The following IFT56 variants were observed in gnomAD, a reference collection of about 807,000 sequenced individuals.
The protein encoded by IFT56 is intraflagellar transport protein 56.
the IFT56 span, chr7:139,166,964 G>A: frequency 9.5e-7 from 1 of 1,050,452 alleles, no homozygotes. Context: ...AAATTTAGTT[G>A]GAAGTCATAT....
the IFT56 span, among the ~76,000 whole-genome samples, chr7:139,179,080 G>T: frequency 6.6e-6 from 1 of 152,078 alleles, no homozygotes; most frequent in East Asian, 1.9e-4. Flanking sequence ...TATTTTTGTG[G>T]TCATAGAATG....
At chr7:139,135,002 C>T in the IFT56 span, among the ~76,000 whole-genome samples, 12 of 152,236 alleles carry the variant, frequency 7.9e-5, no homozygotes, top group African/African-American at 2.9e-4. Flanking sequence ...TAAACTTGGC[C>T]GGGCGCGGTG....
chr7:139,171,588 A>G, the IFT56 span, among the ~76,000 whole-genome samples: 1,006 of 152,306 alleles, frequency 6.6e-3, 14 homozygotes, highest in African/African-American at 0.024. Flanking sequence ...ACCTGTAGAG[A>G]AAGGACAGTC....
At chr7:139,176,325 A>G in the IFT56 span, among the ~76,000 whole-genome samples, 1 of 152,160 alleles carries the variant, frequency 6.6e-6, no homozygotes, top group Non-Finnish European at 1.5e-5. Flanking sequence ...ATCCATATGC[A>G]GTATGGATAT....
At chr7:139,168,332 C>G in the IFT56 span, 2 of 1,579,826 alleles carry the variant, frequency 1.3e-6, no homozygotes, top group Middle Eastern at 1.7e-4. Flanking sequence ...CAGTGTTATT[C>G]CATGTTTCTA....
At chr7:139,148,040 AT>A in the IFT56 span, among the ~76,000 whole-genome samples, 8 of 152,292 alleles carry the variant, frequency 5.3e-5, no homozygotes, top group South Asian at 4.1e-4. Flanking sequence ...AAACACCCAA[AT>A]ATTGCAATGC....
the IFT56 span, among the ~76,000 whole-genome samples, chr7:139,145,701 C>A: frequency 6.6e-6 from 1 of 151,766 alleles, no homozygotes; most frequent in African/African-American, 2.4e-5. Flanking sequence ...TAGGCGTGAG[C>A]CACTGCCCCT....
At chr7:139,136,584 G>A in the IFT56 span, among the ~76,000 whole-genome samples, 2 of 152,082 alleles carry the variant, frequency 1.3e-5, no homozygotes, top group East Asian at 1.9e-4. Context: ...CCAAGTAGCT[G>A]AGACTACAGG....
At chr7:139,169,234 A>C in the IFT56 span, 1 of 1,448,858 alleles carries the variant, frequency 6.9e-7, no homozygotes, top group Non-Finnish European at 9.6e-7. Context: ...ATATAGTATA[A>C]TAAAATAAAA....
At chr7:139,162,749 A>G in the IFT56 span, among the ~76,000 whole-genome samples, 5,404 of 151,970 alleles carry the variant, frequency 0.036, 143 homozygotes, top group South Asian at 0.12. Context: ...TCACAAGGTC[A>G]GGAGTTCAAG....
chr7:139,158,313 C>CAA, the IFT56 span, among the ~76,000 whole-genome samples: 379 of 115,370 alleles, frequency 3.3e-3, 6 homozygotes, highest in Non-Finnish European at 5.1e-3. Context: ...GACGCCATCT[C>CAA]AAAAAAAAAA....
the IFT56 span, among the ~76,000 whole-genome samples, chr7:139,163,575 G>A: frequency 1.2e-4 from 19 of 152,118 alleles, no homozygotes; most frequent in Non-Finnish European, 2.6e-4. Context: ...AGTAGAAGCA[G>A]TAAGCCACAT....
At chr7:139,178,264 CA>C in the IFT56 span, 1 of 1,613,976 alleles carries the variant, frequency 6.2e-7, no homozygotes, top group Non-Finnish European at 8.5e-7. Context: ...CCTGCTTAAG[CA>C]ATTTGATGAT....
At chr7:139,178,248 T>A in the IFT56 span, 1 of 1,614,120 alleles carries the variant, frequency 6.2e-7, no homozygotes, top group Non-Finnish European at 8.5e-7. Flanking sequence ...TGGCTTCCTG[T>A]TTCTTCCTGC....
the IFT56 span, among the ~76,000 whole-genome samples, chr7:139,151,121 C>T: frequency 6.6e-6 from 1 of 152,134 alleles, no homozygotes. Context: ...AGGAGAATCA[C>T]ATTTAAAGAA....
chr7:139,184,978 C>T, the IFT56 span, among the ~76,000 whole-genome samples: 3 of 150,304 alleles, frequency 2.0e-5, no homozygotes, highest in Non-Finnish European at 4.4e-5. Flanking sequence ...GGCGTGAACC[C>T]GGGAGGTGGA....
At chr7:139,173,178 GTTTATGGCA>G in the IFT56 span, 2 of 563,418 alleles carry the variant, frequency 3.5e-6, no homozygotes, top group Non-Finnish European at 6.6e-6. Context: ...TCGTATTAGT[GTTTATGGCA>G]CTTTCCTTAA....
the IFT56 span, chr7:139,168,702 G>C: frequency 2.3e-5 from 8 of 353,598 alleles, no homozygotes; most frequent in Admixed American, 2.6e-4. Flanking sequence ...TATTTGCAGC[G>C]ACTTTTTTTA....
At chr7:139,167,795 G>T in the IFT56 span, among the ~76,000 whole-genome samples, 2 of 151,974 alleles carry the variant, frequency 1.3e-5, no homozygotes, top group East Asian at 3.9e-4. Flanking sequence ...AAAAAAATTA[G>T]CCGGGTGTGG....
Sources: gnomAD v4.1 joint callset for allele counts (sites outside exome capture counted in the v4.1 genomes callset) on GRCh38, gnomAD v4.1.1 for gene constraint, MANE v1.5 for transcripts, NCBI Gene and HGNC (gene_info 2026-07-23, HGNC 2026-07-21) for gene names.